Variants in PCCB observed in about 807,000 individuals in gnomAD.
PCCB encodes propionyl-CoA carboxylase subunit beta.
In PCCB, 43 loss-of-function variants were observed where a neutral mutation model predicts 60.7. The ratio of observed to expected loss-of-function variants is 0.71; its 90% CI spans 0.55 to 0.91. The LOEUF (loss-of-function observed/expected upper bound fraction) is 0.91. PCCB is among the 40% of genes least tolerant of loss of function. The pLI is 0.00. For missense variants in PCCB, 766 were observed against 702.8 expected (o/e 1.09, Z -1.02); for synonymous variants, 276 against 255.9 (o/e 1.08, Z -0.75).
intron 5 of PCCB, among the ~76,000 whole-genome samples, chr3:136,265,708 T>G (rs2108153161): frequency 6.6e-6 from 1 of 152,334 alleles, no homozygotes; most frequent in East Asian, 1.9e-4. Context: ...TTTATAACTT[T>G]TTAAGAAATT....
intron 3 of PCCB, among the ~76,000 whole-genome samples, chr3:136,256,879 A>C (rs1026766458): frequency 6.6e-6 from 1 of 152,204 alleles, no homozygotes; most frequent in Non-Finnish European, 1.5e-5. Context: ...ATTTATTCCA[A>C]GTGAATGAGA....
intron 9 of PCCB, among the ~76,000 whole-genome samples, chr3:136,313,409 A>G (rs1387773408): frequency 6.6e-6 from 1 of 152,228 alleles, no homozygotes; most frequent in Non-Finnish European, 1.5e-5. Flanking sequence ...AAAAAGAATG[A>G]TGATCTCTAT....
chr3:136,284,467 C>G (rs1933260554), intron 6 of PCCB, among the ~76,000 whole-genome samples: 1 of 152,056 alleles, frequency 6.6e-6, no homozygotes, highest in African/African-American at 2.4e-5. Flanking sequence ...TAAATGAAGT[C>G]TATTTGAAGT....
chr3:136,268,096 A>ATATATATATATATATATATG (rs1942072808), intron 5 of PCCB, among the ~76,000 whole-genome samples: 2 of 106,554 alleles, frequency 1.9e-5, no homozygotes, highest in African/African-American at 9.2e-5. Context: ...AGATATATAT[A>ATATATATATATATATATATG]TATATATATA....
In PCCB at chr3:136,319,910, T is replaced by C. The variant is rs976264599; in HGVS notation, c.1090+2846T>C. 2.6e-5 allele frequency among the ~76,000 whole-genome samples: 4 copies of C among 152,206 alleles called. No individual in the cohort carries two copies. The East Asian group carries it at 5.8e-4, about 22-fold the overall frequency. ...TGGATAGGAGTGCAACTTCATTCTTTTGCATGTGGAAATCCAGTTATTCCA... is the reference window on the plus strand; with the variant it reads ...TGGATAGGAGTGCAACTTCATTCTTCTGCATGTGGAAATCCAGTTATTCCA... On this transcript the variant is annotated intron_variant, in intron 10 of 14. Transcript: ENST00000251654.
At chr3:136,268,136 A>ATATATATC (rs1553775786) in intron 5 of PCCB, among the ~76,000 whole-genome samples, 2 of 128,590 alleles carry the variant, frequency 1.6e-5, no homozygotes, top group African/African-American at 6.4e-5. Flanking sequence ...ATATATATAT[A>ATATATATC]TATATCTACA....
At position 136,326,350 on chromosome 3, in the gene PCCB, A is replaced by G. The variant is rs750463166; in HGVS notation, c.1091-453A>G. 2.1e-5 allele frequency: 15 copies of G among 702,850 alleles called. No homozygotes were observed. The South Asian group carries it at 2.2e-4, about 10-fold the overall frequency. The allele number at this position is 702,850 out of a possible 1,614,324, so 43.5% of individuals were successfully genotyped here. On this transcript the variant is annotated intron_variant, in intron 10 of 14. Transcript: ENST00000251654. The stretch of plus-strand genomic sequence containing the variant: ...GATTCCATTTCCTTTACTCCTTGGA[A>G]CTATGCTAGGAGGCAGTATCGTCCC...
chr3:136,272,838 CTTTG>C (rs1159392963), intron 5 of PCCB, among the ~76,000 whole-genome samples: 1 of 151,910 alleles, frequency 6.6e-6, no homozygotes, highest in African/African-American at 2.4e-5. Flanking sequence ...CTGCTCTGAT[CTTTG>C]TTATTTCTTC....
In PCCB at chr3:136,261,999, T is replaced by G. The variant is rs765946213; in HGVS notation, c.477T>G (p.Asn159Lys). Residue 159 changes from asparagine (N) to lysine (K), a missense_variant, in exon 5 of 15, where the codon AAT becomes AAG. Asn to Lys is a moderately conservative substitution (Grantham distance 94). Transcript: ENST00000251654. ...TGGGGGCTCCAGTGATTGGGCTGAA[T>G]GACTCTGGGGGAGCACGGATCCAAG... ...ITVGAPVIGL[N>K]DSGGARIQEG... is the part of the protein sequence containing the mutation. 13 of 1,562,606 alleles carry G rather than the reference T, an allele frequency of 8.3e-6. No individual in the cohort carries two copies. Among genetic ancestry groups the G allele is most frequent in the Non-Finnish European group, 8.7e-6 (10 of 1,152,204 alleles).
At chr3:136,294,099 C>A (rs1466767581) in intron 7 of PCCB, among the ~76,000 whole-genome samples, 1 of 151,962 alleles carries the variant, frequency 6.6e-6, no homozygotes, top group Non-Finnish European at 1.5e-5. Flanking sequence ...CTTGGTTATT[C>A]TTTAAAACAA....
intron 1 of PCCB, among the ~76,000 whole-genome samples, chr3:136,253,190 T>C (rs924115873): frequency 2.0e-5 from 3 of 148,706 alleles, no homozygotes; most frequent in Non-Finnish European, 3.0e-5. Flanking sequence ...CCCGGGTTCA[T>C]GCCGTTCTCC....
chr3:136,263,284 T>C (rs1446982670), intron 5 of PCCB, among the ~76,000 whole-genome samples: 1 of 145,314 alleles, frequency 6.9e-6, no homozygotes, highest in Non-Finnish European at 1.5e-5. Flanking sequence ...TATTTATTTA[T>C]TTAGAGACAG....
At chr3:136,299,898 A>G (rs1417034249) in intron 8 of PCCB, among the ~76,000 whole-genome samples, 1 of 151,866 alleles carries the variant, frequency 6.6e-6, no homozygotes, top group Non-Finnish European at 1.5e-5. Context: ...GTATATGCGT[A>G]CATATGTATG....
chr3:136,280,239 A>G (rs558339258), intron 5 of PCCB, among the ~76,000 whole-genome samples: 1 of 152,336 alleles, frequency 6.6e-6, no homozygotes, highest in African/African-American at 2.4e-5. Context: ...TTGCAAATGA[A>G]TGCTCTCAGC....
At chr3:136,299,903 TG>T (rs1267243371) in intron 8 of PCCB, among the ~76,000 whole-genome samples, 1 of 151,952 alleles carries the variant, frequency 6.6e-6, no homozygotes, top group Admixed American at 6.5e-5. Context: ...TGCGTACATA[TG>T]TATGCATGTA....
chr3:136,285,234 A>G (rs1417255703), intron 6 of PCCB, among the ~76,000 whole-genome samples: 1 of 152,124 alleles, frequency 6.6e-6, no homozygotes, highest in Non-Finnish European at 1.5e-5. Flanking sequence ...CCTGTTACGA[A>G]GGGAGGTGTG....
intron 6 of PCCB, among the ~76,000 whole-genome samples, chr3:136,291,800 A>G (rs555878845): frequency 1.3e-5 from 2 of 152,088 alleles, no homozygotes; most frequent in Non-Finnish European, 2.9e-5. Flanking sequence ...TTTTTCCCCC[A>G]TGCATGTCAG....
intron 1 of PCCB, among the ~76,000 whole-genome samples, chr3:136,254,326 C>T (rs142580639): frequency 0.019 from 2,936 of 151,864 alleles, 94 homozygotes; most frequent in African/African-American, 0.067. Context: ...TCAAGCGATT[C>T]TCTTGCCTCA....
At chr3:136,264,194 T>TA (rs2108150274) in intron 5 of PCCB, among the ~76,000 whole-genome samples, 1 of 152,236 alleles carries the variant, frequency 6.6e-6, no homozygotes, top group South Asian at 2.1e-4. Context: ...AAATTGGAGA[T>TA]ACTATGTCTT....
Sources: allele counts gnomAD v4.1 joint callset (sites outside exome capture counted in the v4.1 genomes callset), GRCh38; gene constraint gnomAD v4.1.1; transcripts MANE v1.5; gene names NCBI Gene and HGNC (gene_info 2026-07-23, HGNC 2026-07-21).